NLGN1: variants seen among roughly 807,000 people sequenced by gnomAD.
NLGN1 encodes neuroligin-1.
Under a neutral mutation model 65.5 loss-of-function variants are expected in NLGN1, and 12 were observed. The ratio of observed to expected loss-of-function variants is 0.18; its 90% CI spans 0.12 to 0.30. The LOEUF (loss-of-function observed/expected upper bound fraction) is 0.30, where lower values mean the gene tolerates loss of function less well. NLGN1 is among the 10% of genes least tolerant of loss of function. The pLI is 1.00. For missense variants in NLGN1, 750 were observed against 1,007.1 expected (o/e 0.74, Z 3.46); for synonymous variants, 350 against 359.5 (o/e 0.97, Z 0.30).
At chr3:173,757,992 C>G (rs1448982781) in intron 3 of NLGN1, among the ~76,000 whole-genome samples, 1 of 151,960 alleles carries the variant, frequency 6.6e-6, no homozygotes, top group Non-Finnish European at 1.5e-5. Flanking sequence ...TGTTGAAGCT[C>G]TAAGCCTCAA....
At chr3:173,402,778 T>C (rs1717927409) in intron 1 of NLGN1, among the ~76,000 whole-genome samples, 1 of 152,182 alleles carries the variant, frequency 6.6e-6, no homozygotes, top group East Asian at 1.9e-4. Flanking sequence ...CAAACTTCCC[T>C]TTATGCCTGA....
At chr3:173,633,946 C>T (rs563351073) in intron 3 of NLGN1, among the ~76,000 whole-genome samples, 5 of 152,232 alleles carry the variant, frequency 3.3e-5, no homozygotes, top group African/African-American at 9.6e-5. Flanking sequence ...CACTGTAAGG[C>T]ATTGTTCTGT....
intron 2 of NLGN1, among the ~76,000 whole-genome samples, chr3:173,498,646 T>C (rs544353245): frequency 6.6e-6 from 1 of 152,018 alleles, no homozygotes; most frequent in South Asian, 2.1e-4. Context: ...TCCACAATGC[T>C]TGAACTAGCT....
chr3:173,795,466 C>T (rs1713836069), intron 3 of NLGN1, among the ~76,000 whole-genome samples: 1 of 152,066 alleles, frequency 6.6e-6, no homozygotes, highest in African/African-American at 2.4e-5. Flanking sequence ...ATAGTAATAT[C>T]AAATTAGCGA....
At chr3:173,441,797 G>T (rs11705889) in intron 2 of NLGN1, among the ~76,000 whole-genome samples, 68,017 of 152,010 alleles carry the variant, frequency 0.45, 18,594 homozygotes, top group East Asian at 0.84. Flanking sequence ...TTTGGCTAAT[G>T]CAGAGTTGCC....
chr3:173,426,623 CATTT>C (rs3030741), intron 1 of NLGN1, among the ~76,000 whole-genome samples: 4 of 151,646 alleles, frequency 2.6e-5, no homozygotes, highest in South Asian at 2.1e-4. Context: ...TGCTATAGCA[CATTT>C]ATTTATTTAT....
rs1341446745 is a variant in NLGN1, at chr3:173,750,454, A to T, written c.494-57226A>T. 2.6e-5 allele frequency among the ~76,000 whole-genome samples: 4 copies of T among 152,112 alleles called. No homozygotes were observed. In the East Asian group the frequency reaches 7.7e-4, roughly 29 times the overall value. On this transcript the variant is annotated intron_variant, in intron 3 of 6. Transcript: ENST00000457714. Reference sequence around the variant, plus strand: ...GGAGGTTACTGAGCTAAGATAGAAAACTCATTTCCTTTGCATTGTCAGAGT... The same window carrying T: ...GGAGGTTACTGAGCTAAGATAGAAATCTCATTTCCTTTGCATTGTCAGAGT...
At chr3:174,025,602 A>G (rs1728675625) in intron 4 of NLGN1, among the ~76,000 whole-genome samples, 2 of 152,180 alleles carry the variant, frequency 1.3e-5, no homozygotes. Flanking sequence ...ACAAGCATAT[A>G]ATAAGATATT....
chr3:173,742,667 A>G (rs535448684), intron 3 of NLGN1, among the ~76,000 whole-genome samples: 10 of 152,100 alleles, frequency 6.6e-5, no homozygotes, highest in Non-Finnish European at 1.3e-4. Flanking sequence ...TCATTTTTAT[A>G]TGACATTTTG....
At chr3:173,837,094 T>C (rs1723764400) in intron 4 of NLGN1, among the ~76,000 whole-genome samples, 1 of 152,164 alleles carries the variant, frequency 6.6e-6, no homozygotes, top group African/African-American at 2.4e-5. Context: ...ATTTACATGA[T>C]GGACTGATAA....
intron 4 of NLGN1, among the ~76,000 whole-genome samples, chr3:174,070,261 T>C (rs1560970518): frequency 6.6e-6 from 1 of 152,052 alleles, no homozygotes; most frequent in African/African-American, 2.4e-5. Context: ...AATAAAAGCC[T>C]GAAACTATGC....
intron 4 of NLGN1, among the ~76,000 whole-genome samples, chr3:173,885,171 C>T (rs562427040): frequency 1.3e-5 from 2 of 152,116 alleles, no homozygotes; most frequent in Non-Finnish European, 2.9e-5. Flanking sequence ...GGTCTTTAAT[C>T]TAGCAAATAT....
chr3:173,455,758 G>A (rs2148867209), intron 2 of NLGN1, among the ~76,000 whole-genome samples: 1 of 152,192 alleles, frequency 6.6e-6, no homozygotes, highest in South Asian at 2.1e-4. Context: ...ATATGTGTGT[G>A]TGTATATATA....
At chr3:173,922,764 A>G (rs1560638615) in intron 4 of NLGN1, among the ~76,000 whole-genome samples, 1 of 152,078 alleles carries the variant, frequency 6.6e-6, no homozygotes, top group Non-Finnish European at 1.5e-5. Context: ...CTGGAAAGCA[A>G]TTTCCCCAAC....
At position 173,431,501 on chromosome 3, in the gene NLGN1, A is replaced by C. The variant is rs546418236; in HGVS notation, c.-389-3509A>C. Among the ~76,000 whole-genome samples, 7 of 152,104 alleles carry C rather than the reference A, an allele frequency of 4.6e-5. No homozygotes were observed. The South Asian group carries it at 1.2e-3, about 27-fold the overall frequency. On this transcript the variant is annotated intron_variant, in intron 1 of 6. Coordinates refer to ENST00000457714, the Ensembl canonical transcript of NLGN1. The stretch of plus-strand genomic sequence containing the variant: ...CCTGATGAAATCAGTATCTGTGAGC[A>C]TTTTTTCAAATTCAGTAATCAATTT...
intron 4 of NLGN1, among the ~76,000 whole-genome samples, chr3:173,816,670 C>T (rs894421371): frequency 1.3e-5 from 2 of 152,172 alleles, no homozygotes; most frequent in African/African-American, 4.8e-5. Context: ...TGAAGTGGTC[C>T]TGGCCTGCAT....
At chr3:173,405,840 T>G (rs535272317) in intron 1 of NLGN1, among the ~76,000 whole-genome samples, 85 of 152,232 alleles carry the variant, frequency 5.6e-4, no homozygotes, top group African/African-American at 1.9e-3. Context: ...TTTTCGTTTT[T>G]CAAATGTATG....
intron 2 of NLGN1, among the ~76,000 whole-genome samples, chr3:173,602,555 A>G (rs985071444): frequency 6.6e-6 from 1 of 152,174 alleles, no homozygotes; most frequent in African/African-American, 2.4e-5. Flanking sequence ...TCCTTAACAC[A>G]GGGATTTCTA....
chr3:173,647,310 A>G (rs1258428782), intron 3 of NLGN1, among the ~76,000 whole-genome samples: 1 of 152,154 alleles, frequency 6.6e-6, no homozygotes. Context: ...ATAAGAATAT[A>G]GAAGATTTGA....
Sources: allele counts gnomAD v4.1 joint callset (sites outside exome capture counted in the v4.1 genomes callset), GRCh38; gene constraint gnomAD v4.1.1; transcripts MANE v1.5; gene names NCBI Gene and HGNC (gene_info 2026-07-23, HGNC 2026-07-21).